FRMD4A: variants seen among roughly 807,000 people sequenced by gnomAD.
FRMD4A encodes the protein FERM domain-containing protein 4A.
FRMD4A carries 29 observed loss-of-function variants against 129.1 expected under a neutral mutation model. That is an observed-to-expected ratio of 0.22 (90% CI 0.17 to 0.31). The LOEUF is 0.31. Ranked by LOEUF, FRMD4A falls within the 10% of genes least tolerant of loss-of-function variation. FRMD4A has a pLI of 1.00. For missense variants in FRMD4A, 1,272 were observed against 1,375.8 expected, an observed-to-expected ratio of 0.92 and a Z score of 1.19; for synonymous variants, 634 against 571.6, an observed-to-expected ratio of 1.11 and a Z score of -1.56.
intron 2 of FRMD4A, among the ~76,000 whole-genome samples, chr10:14,064,579 T>A (rs539039446): frequency 2.9e-4 from 44 of 152,302 alleles, no homozygotes; most frequent in Admixed American, 1.1e-3. Flanking sequence ...CTGCTTATTT[T>A]TTTATTTATT....
chr10:14,227,571 C>G lies in FRMD4A; in HGVS notation c.45+102487G>C, dbSNP rs376409482. 5.3e-5 allele frequency among the ~76,000 whole-genome samples: 8 copies of G among 152,036 alleles called. No individual in the cohort carries two copies. The East Asian group carries it at 7.8e-4, about 15-fold the overall frequency. On this transcript the variant is annotated intron_variant, in intron 2 of 24. Coordinates refer to ENST00000357447, the MANE Select transcript of FRMD4A (RefSeq NM_018027.5). ...CCAGCCCTCTCTTTAGTGTTCTAGC[C>G]TCCCCATTCCTATGCTCTCAGCTTG...
At chr10:14,230,550 G>A (rs1383552455) in intron 2 of FRMD4A, among the ~76,000 whole-genome samples, 2 of 152,168 alleles carry the variant, frequency 1.3e-5, no homozygotes, top group Admixed American at 6.5e-5. Flanking sequence ...GTGGCTGTAC[G>A]ATTGCTACTC....
intron 2 of FRMD4A, among the ~76,000 whole-genome samples, chr10:14,162,641 G>GGTTTTTTTTTT (rs1840958579): frequency 8.4e-6 from 1 of 118,398 alleles, no homozygotes; most frequent in African/African-American, 3.5e-5. Context: ...TTTTTTTTTT[G>GGTTTTTTTTTT]TTTTTTTTTT....
intron 2 of FRMD4A, among the ~76,000 whole-genome samples, chr10:13,931,562 G>C (rs891518603): frequency 6.6e-6 from 1 of 152,136 alleles, no homozygotes; most frequent in Admixed American, 6.5e-5. Context: ...CTACTACCCT[G>C]TGCAGTAAAG....
chr10:13,958,256 C>CGCGTGAACA (rs1282677819), intron 2 of FRMD4A, among the ~76,000 whole-genome samples: 1 of 149,398 alleles, frequency 6.7e-6, no homozygotes, highest in African/African-American at 2.5e-5. Context: ...GTAAAACAGT[C>CGCGTGAACA]GCGTGAACAA....
At chr10:14,152,228 T>C (rs768723912) in intron 2 of FRMD4A, among the ~76,000 whole-genome samples, 35 of 143,764 alleles carry the variant, frequency 2.4e-4, no homozygotes, top group African/African-American at 4.3e-4. Flanking sequence ...CCTGGGTTCA[T>C]GCCATTCTCC....
At chr10:13,930,818 A>T (rs909379784) in intron 2 of FRMD4A, among the ~76,000 whole-genome samples, 1 of 151,988 alleles carries the variant, frequency 6.6e-6, no homozygotes, top group Non-Finnish European at 1.5e-5. Context: ...AGAAAGATTT[A>T]TAAAATTTTA....
intron 5 of FRMD4A, among the ~76,000 whole-genome samples, chr10:13,790,118 C>T (rs543302792): frequency 6.6e-6 from 1 of 152,088 alleles, no homozygotes; most frequent in East Asian, 1.9e-4. Context: ...GCAGGAATAA[C>T]AGCGAGTAGT....
At chr10:13,839,837 G>A (rs1001445222) in intron 3 of FRMD4A, among the ~76,000 whole-genome samples, 3 of 152,204 alleles carry the variant, frequency 2.0e-5, no homozygotes, top group Admixed American at 2.0e-4. Flanking sequence ...TGCCCCAGCT[G>A]GAGGCCCGAC....
chr10:14,118,822 G>A (rs778022367), intron 2 of FRMD4A, among the ~76,000 whole-genome samples: 1 of 152,034 alleles, frequency 6.6e-6, no homozygotes, highest in Non-Finnish European at 1.5e-5. Flanking sequence ...TGACATGTGG[G>A]GATTATTACA....
intron 2 of FRMD4A, among the ~76,000 whole-genome samples, chr10:14,059,393 A>T (rs1276445556): frequency 6.6e-6 from 1 of 152,164 alleles, no homozygotes; most frequent in African/African-American, 2.4e-5. Context: ...AAAAATAAAT[A>T]ATATCATATG....
At chr10:14,075,572 G>A (rs538117456) in intron 2 of FRMD4A, among the ~76,000 whole-genome samples, 10 of 152,302 alleles carry the variant, frequency 6.6e-5, no homozygotes, top group Middle Eastern at 3.4e-3. Context: ...AGCCTAACCT[G>A]AGCTGAAATG....
At chr10:14,171,106 A>G (rs1841455004) in intron 2 of FRMD4A, among the ~76,000 whole-genome samples, 1 of 151,868 alleles carries the variant, frequency 6.6e-6, no homozygotes, top group South Asian at 2.1e-4. Flanking sequence ...AGTTTGGAGG[A>G]TTAAAAATCT....
rs141433146 is a variant in FRMD4A, at chr10:13,845,160, C to T, written c.111+13687G>A. ...TCCCCAAGAATGATGACTGATTTGA[C>T]ATCACTGGAGCACAAAACCTAGTCC... is the stretch of plus-strand genomic sequence containing the variant. On this transcript the variant is annotated intron_variant, in intron 3 of 24. Coordinates refer to ENST00000357447, the MANE Select transcript of FRMD4A (RefSeq NM_018027.5). Among the ~76,000 whole-genome samples the T allele has an allele frequency of 3.2e-3, 480 of 152,304 alleles. 2 individuals are homozygous for T. The highest frequency in any genetic ancestry group is 0.011 in the African/African-American group (457 of 41,572).
intron 2 of FRMD4A, among the ~76,000 whole-genome samples, chr10:14,184,125 C>CTTTTTTTTTTTTTTTTTTTTTTT (rs58858936): frequency 1.1e-3 from 71 of 64,596 alleles, no homozygotes; most frequent in Middle Eastern, 0.01. Flanking sequence ...CTTTTCTTTT[C>CTTTTTTTTTTTTTTTTTTTTTTT]TTTTTTTTTT....
intron 3 of FRMD4A, among the ~76,000 whole-genome samples, chr10:13,825,953 C>G (rs2093694537): frequency 6.6e-6 from 1 of 152,212 alleles, no homozygotes; most frequent in Admixed American, 6.5e-5. Flanking sequence ...TGTGATTCTC[C>G]TAAAACGTGT....
chr10:13,698,090 G>GGGAGGGAGGGAC, intron 14 of FRMD4A, among the ~76,000 whole-genome samples: 1 of 151,696 alleles, frequency 6.6e-6, no homozygotes, highest in South Asian at 2.1e-4. Flanking sequence ...AGCTGATGGA[G>GGGAGGGAGGGAC]GGAGGGAGGG....
chr10:13,799,036 G>C (rs2093191476), intron 4 of FRMD4A, among the ~76,000 whole-genome samples: 2 of 152,184 alleles, frequency 1.3e-5, no homozygotes, highest in African/African-American at 4.8e-5. Context: ...CACACACCGG[G>C]TGGGATGGGG....
At chr10:13,890,399 T>C (rs920015579) in intron 2 of FRMD4A, 1 of 330,184 alleles carries the variant, frequency 3.0e-6, no homozygotes, top group Non-Finnish European at 4.3e-6. Context: ...CTTCCCAGGA[T>C]GAAGTCAGCA....
Sources: gnomAD v4.1 joint callset for allele counts (sites outside exome capture counted in the v4.1 genomes callset) on GRCh38, gnomAD v4.1.1 for gene constraint, MANE v1.5 for transcripts, NCBI Gene and HGNC (gene_info 2026-07-23, HGNC 2026-07-21) for gene names.